The following RIPOR3 variants were observed in gnomAD, a reference collection of about 807,000 sequenced individuals.
RIPOR3 encodes the protein RIPOR family member 3, also known as family with sequence similarity 65 member C.
Under a neutral mutation model 114.3 loss-of-function variants are expected in RIPOR3, and 95 were observed. The ratio of observed to expected loss-of-function variants is 0.83; its 90% confidence interval spans 0.70 to 0.99. RIPOR3 has a LOEUF of 0.99. Ranked by LOEUF, RIPOR3 falls within the 50% of genes least tolerant of loss-of-function variation. The pLI, the probability that RIPOR3 is intolerant of heterozygous loss-of-function variation, is 0.00. For missense variants in RIPOR3, 1,252 were observed against 1,266.9 expected (o/e 0.99, Z 0.18); for synonymous variants, 575 against 543.8 (o/e 1.06, Z -0.80).
At chr20:50,640,487 C>G (rs147803884) in intron 1 of RIPOR3, among the ~76,000 whole-genome samples, 2 of 148,856 alleles carry the variant, frequency 1.3e-5, no homozygotes, top group African/African-American at 5.0e-5. Flanking sequence ...GGTGAACACA[C>G]GCACTGGTCA....
At chr20:50,637,927 T>A (rs372454273) in intron 1 of RIPOR3, among the ~76,000 whole-genome samples, 5 of 151,918 alleles carry the variant, frequency 3.3e-5, no homozygotes, top group South Asian at 2.1e-4. Flanking sequence ...TATTATTATT[T>A]TTATAGAGAT....
At chr20:50,669,460 A>C (rs2086383452) in intron 1 of RIPOR3, among the ~76,000 whole-genome samples, 1 of 152,194 alleles carries the variant, frequency 6.6e-6, no homozygotes, top group Admixed American at 6.5e-5. Flanking sequence ...GGCCTGAGGC[A>C]CCTGGCTACC....
chr20:50,602,185 C>T lies in RIPOR3; in HGVS notation c.1546G>A (p.Ala516Thr). The T allele has an allele frequency of 6.2e-7, 1 of 1,613,318 alleles. No homozygotes were observed. Among genetic ancestry groups the T allele is most frequent in the South Asian group, 1.1e-5 (1 of 91,044 alleles). ...ACCTCCTGCAGAGGCCCCTCGAGGG[C>T]CACGCCAGGCCCGTCCTCTCTGTCC... ...TGDREDGPGV[A>T]LEGPLQEVLE... is the part of the protein sequence containing the mutation. The change falls in exon 13 of 22, where the codon GCC becomes ACC. Residue 516 changes from alanine to threonine, a missense_variant. Coordinates refer to ENST00000327979, the MANE Select transcript of RIPOR3 (RefSeq NM_001290268.2). This position sits in a 1 kb window ranked among gnomAD's most constrained non-coding sequence, Gnocchi z 4.3.
At chr20:50,588,085 G>T (rs921751589) in intron 20 of RIPOR3, among the ~76,000 whole-genome samples, 193 bp from the exon 21 acceptor site, 7 of 152,160 alleles carry the variant, frequency 4.6e-5, no homozygotes, top group Admixed American at 3.9e-4. Flanking sequence ...GAAGCGTCTC[G>T]CCTCTTCAGC....
intron 11 of RIPOR3, among the ~76,000 whole-genome samples, chr20:50,606,245 C>T (rs1377998734): frequency 1.3e-5 from 2 of 152,190 alleles, no homozygotes; most frequent in African/African-American, 2.4e-5. Flanking sequence ...TCTGACCGCC[C>T]TGAGGGCCCT....
intron 13 of RIPOR3, among the ~76,000 whole-genome samples, chr20:50,598,947 A>G (rs1264769194): frequency 6.6e-6 from 1 of 151,738 alleles, no homozygotes; most frequent in Non-Finnish European, 1.5e-5. Context: ...CTATAAAATC[A>G]CAGCAAAAAA....
At chr20:50,683,627 A>G (rs1315398845) in intron 1 of RIPOR3, among the ~76,000 whole-genome samples, 1 of 151,280 alleles carries the variant, frequency 6.6e-6, no homozygotes, top group Non-Finnish European at 1.5e-5. Context: ...TTATTTTTGT[A>G]TTTTTAGTAG....
In RIPOR3 at chr20:50,595,697, C is replaced by A. The variant is rs575949862; in HGVS notation, c.1915-193G>T. Among the ~76,000 whole-genome samples the A allele has an allele frequency of 4.6e-5, 7 of 152,206 alleles. No homozygotes were observed. In the South Asian group the frequency reaches 1.2e-3, roughly 27 times the overall value. On this transcript the variant is annotated intron_variant, in intron 15 of 21. Transcript: ENST00000327979. ...TGCAGGCTGGGCTGCCAGGGACCAC[C>A]TTTGCCCCCAGAAGGAGGACCAACC... is the stretch of plus-strand genomic sequence containing the variant.
chr20:50,679,371 G>A (rs1018547600), intron 1 of RIPOR3, among the ~76,000 whole-genome samples: 36 of 150,400 alleles, frequency 2.4e-4, no homozygotes, highest in Non-Finnish European at 4.9e-4. Context: ...GGCCGGGCAC[G>A]GTGGCTCACA....
chr20:50,596,196 G>C lies in RIPOR3; in HGVS notation c.1858C>G (p.Pro620Ala), dbSNP rs373812762. The change falls in exon 15 of 22, where the codon CCA becomes GCA. Residue 620 changes from proline (P) to alanine (A), a missense_variant. By Grantham distance (27) the Pro-to-Ala change is conservative. Transcript: ENST00000327979. ...ACCATCAGCAGCACGTCCAGCTCTG[G>C]GGCACCGGCTGTGAGTTCCCTGGAT... ...ASSRELTAGA[P>A]ELDVLLMVHL... is the part of the protein sequence containing the mutation. 1 of 1,614,090 alleles carries C rather than the reference G, an allele frequency of 6.2e-7. No individual in the cohort carries two copies. The highest frequency in any genetic ancestry group is 1.3e-5 in the African/African-American group (1 of 74,938).
intron 1 of RIPOR3, among the ~76,000 whole-genome samples, chr20:50,671,978 GTGCGTGGATGGA>G (rs1390552467): frequency 1.1e-5 from 1 of 87,938 alleles, no homozygotes; most frequent in Non-Finnish European, 2.3e-5. Flanking sequence ...AGGTGGATGG[GTGCGTGGATGGA>G]TGGATGGATG....
intron 17 of RIPOR3, 28 bp from the exon 18 acceptor site, chr20:50,593,224 G>C: frequency 6.2e-7 from 1 of 1,602,672 alleles, no homozygotes; most frequent in Non-Finnish European, 8.5e-7. Context: ...TACATCAGGA[G>C]AAACTGAGAC....
chr20:50,594,275 C>CA (rs35958484), intron 17 of RIPOR3, among the ~76,000 whole-genome samples: 6,287 of 77,258 alleles, frequency 0.081, 248 homozygotes, highest in Admixed American at 0.12. Flanking sequence ...GACTCCATCT[C>CA]AAAAAAAAAA....
At chr20:50,654,625 G>A (rs1018413775) in intron 1 of RIPOR3, among the ~76,000 whole-genome samples, 1 of 151,996 alleles carries the variant, frequency 6.6e-6, no homozygotes, top group Admixed American at 6.6e-5. Flanking sequence ...ACGAATGAAT[G>A]AATCTGTATC....
At chr20:50,598,029 GA>G (rs2083360442) in intron 13 of RIPOR3, among the ~76,000 whole-genome samples, 1 of 152,226 alleles carries the variant, frequency 6.6e-6, no homozygotes, top group Non-Finnish European at 1.5e-5. Context: ...CCCCAGCGGG[GA>G]CCAGGGAGGC....
intron 1 of RIPOR3, among the ~76,000 whole-genome samples, chr20:50,671,972 G>A (rs2086519995): frequency 7.2e-6 from 1 of 138,840 alleles, no homozygotes; most frequent in African/African-American, 2.6e-5. Context: ...GTGGATAGGT[G>A]GATGGGTGCG....
chr20:50,631,358 C>A lies in RIPOR3; in HGVS notation c.4-502G>T, dbSNP rs528470035. ...GGGTCCCAGGGGGAATCTGACCCAG[C>A]CATGAAGAGGCGCCCAAGAGCTGAG... On this transcript the variant is annotated intron_variant, in intron 1 of 21. Transcript: ENST00000327979. Among the ~76,000 whole-genome samples, 21 of 152,282 alleles carry A rather than the reference C, an allele frequency of 1.4e-4. No homozygotes were observed. The South Asian group carries it at 4.3e-3, about 32-fold the overall frequency.
chr20:50,595,366 T>TA lies in RIPOR3; in HGVS notation c.2050+2dup, dbSNP rs2083252358. On this transcript the variant is annotated splice_region_variant and intron_variant, in intron 16 of 21. Coordinates refer to ENST00000327979, the MANE Select transcript of RIPOR3 (RefSeq NM_001290268.2). ...AGCCCCTGGGTGGCAGGCAGCTACT[T>TA]ACTCTCTTCAATGGATGTTGCCTTG... The TA allele has an allele frequency of 6.2e-7, 1 of 1,612,970 alleles. No individual in the cohort carries two copies. The highest frequency in any genetic ancestry group is 2.2e-5 in the East Asian group (1 of 44,824).
rs781408100 is a variant in RIPOR3 at position 50,592,538 on chromosome 20, T to C, written c.2383A>G (p.Ile795Val). 6.4e-7 allele frequency: 1 copy of C among 1,555,682 alleles called. No homozygotes were observed. The highest frequency in any genetic ancestry group is 8.7e-7 in the Non-Finnish European group (1 of 1,148,290). ...FTQLTKEVTLIEELHCAGQAK... is the reference protein window; with the variant it reads ...FTQLTKEVTLVEELHCAGQAK... ...TGTCCCGCACAGTGAAGCTCCTCGA[T>C]GAGTGTCACTAGAAGACAGGAAAGA... is the stretch of plus-strand genomic sequence containing the variant. The change falls in exon 19 of 22, where the codon ATC becomes GTC. Residue 795 changes from isoleucine to valine, a missense_variant. Ile to Val is a conservative substitution (Grantham distance 29). Transcript: ENST00000327979.
Sources: gnomAD v4.1 joint callset for allele counts (sites outside exome capture counted in the v4.1 genomes callset) on GRCh38, gnomAD v4.1.1 for gene constraint, Gnocchi (gnomAD v3.1) non-coding constraint, MANE v1.5 for transcripts, NCBI Gene and HGNC (gene_info 2026-07-23, HGNC 2026-07-21) for gene names.